CHRM3: variants seen among roughly 807,000 people sequenced by gnomAD.
The protein encoded by CHRM3 is muscarinic acetylcholine receptor M3.
In CHRM3, 11 loss-of-function variants were observed where a neutral mutation model predicts 41.8. The ratio of observed to expected loss-of-function variants is 0.26; its 90% CI spans 0.17 to 0.44. The LOEUF (loss-of-function observed/expected upper bound fraction) is 0.44, where lower values mean the gene tolerates loss of function less well. CHRM3 is among the 20% of genes least tolerant of loss of function. CHRM3 has a pLI of 1.00. For synonymous variants in CHRM3, 297 were observed against 301.4 expected (o/e 0.99, Z 0.15); for missense variants, 571 against 745.4 (o/e 0.77, Z 2.72).
chr1:239,783,199 C>T (rs1181525367), intron 5 of CHRM3, among the ~76,000 whole-genome samples: 1 of 151,726 alleles, frequency 6.6e-6, no homozygotes, highest in African/African-American at 2.4e-5. Flanking sequence ...GTCAAAGTCT[C>T]CAGCTATAAT....
chr1:239,686,239 C>T (rs948802002), intron 5 of CHRM3, among the ~76,000 whole-genome samples: 7 of 152,118 alleles, frequency 4.6e-5, no homozygotes, highest in African/African-American at 1.2e-4. Flanking sequence ...TGCCTATAGG[C>T]GCTTTGTTCT....
Position 239,474,476 on chromosome 1 carries a change from G to A in CHRM3, c.-520-18233G>A, listed in dbSNP as rs1666335450. ...TATTGGTGTAGATGCGGGTATATGTGTGTATATGTTTGTGTGTTTGCTAAC... is the reference window on the plus strand; with the variant it reads ...TATTGGTGTAGATGCGGGTATATGTATGTATATGTTTGTGTGTTTGCTAAC... On this transcript the variant is annotated intron_variant, in intron 1 of 6. Coordinates refer to ENST00000676153, the MANE Select transcript of CHRM3 (RefSeq NM_001375978.1). 2.7e-5 allele frequency among the ~76,000 whole-genome samples: 4 copies of A among 150,670 alleles called. No homozygotes were observed. In the South Asian group the frequency reaches 8.4e-4, roughly 32 times the overall value.
intron 5 of CHRM3, among the ~76,000 whole-genome samples, chr1:239,733,592 A>G (rs1664153822): frequency 6.6e-6 from 1 of 152,062 alleles, no homozygotes; most frequent in Non-Finnish European, 1.5e-5. Context: ...AGATGCATAT[A>G]GAGGTATTTT....
chr1:239,655,094 C>T (rs113914620), intron 4 of CHRM3, among the ~76,000 whole-genome samples: 1,967 of 152,232 alleles, frequency 0.013, 57 homozygotes, highest in African/African-American at 0.046. Context: ...TTTATGTTCT[C>T]GTGCAGCGAA....
At chr1:239,602,140 A>ATG (rs1432471091) in intron 3 of CHRM3, among the ~76,000 whole-genome samples, 71 of 144,848 alleles carry the variant, frequency 4.9e-4, no homozygotes, top group East Asian at 1.0e-3. Context: ...ATATATATAT[A>ATG]ATTTTGTTTT....
chr1:239,659,105 G>A (rs529737512), intron 4 of CHRM3, among the ~76,000 whole-genome samples: 25 of 152,228 alleles, frequency 1.6e-4, no homozygotes, highest in African/African-American at 5.8e-4. Context: ...TTCATTCTCA[G>A]TGGTTGTTTT....
chr1:239,601,252 G>A (rs910206816), intron 3 of CHRM3, among the ~76,000 whole-genome samples: 4 of 152,016 alleles, frequency 2.6e-5, no homozygotes, highest in African/African-American at 9.7e-5. Flanking sequence ...ATGGATGGGA[G>A]GTTTGAAAGA....
At chr1:239,780,190 C>T (rs1222285306) in intron 5 of CHRM3, among the ~76,000 whole-genome samples, 1 of 152,258 alleles carries the variant, frequency 6.6e-6, no homozygotes, top group East Asian at 1.9e-4. Context: ...TGTTTAGTTT[C>T]GTAAGAAACT....
chr1:239,840,914 T>C (rs1217054791), intron 6 of CHRM3, among the ~76,000 whole-genome samples: 1 of 152,182 alleles, frequency 6.6e-6, no homozygotes, highest in Non-Finnish European at 1.5e-5. Context: ...CACTCTGGCA[T>C]GTGAAGTGAT....
chr1:239,761,536 A>C (rs1264587267), intron 5 of CHRM3, among the ~76,000 whole-genome samples: 1 of 152,212 alleles, frequency 6.6e-6, no homozygotes, highest in African/African-American at 2.4e-5. Context: ...TTGGGGATGC[A>C]TCCAAATTGG....
At chr1:239,768,332 A>G (rs1667386700) in intron 5 of CHRM3, among the ~76,000 whole-genome samples, 1 of 152,202 alleles carries the variant, frequency 6.6e-6, no homozygotes, top group Non-Finnish European at 1.5e-5. Context: ...GGAAAACACT[A>G]GAATAAAGGC....
chr1:239,804,038 C>G (rs993390748), intron 5 of CHRM3, among the ~76,000 whole-genome samples: 3 of 152,218 alleles, frequency 2.0e-5, no homozygotes, highest in African/African-American at 7.2e-5. Flanking sequence ...GATTTATAGC[C>G]TCCAGCAGCA....
At chr1:239,679,035 A>AGATG (rs147138218) in intron 5 of CHRM3, among the ~76,000 whole-genome samples, 1 of 151,498 alleles carries the variant, frequency 6.6e-6, no homozygotes, top group East Asian at 1.9e-4. Context: ...ATGGATAGAT[A>AGATG]GATAGATAGA....
chr1:239,696,196 GC>G (rs1456696215), intron 5 of CHRM3, among the ~76,000 whole-genome samples: 1 of 152,182 alleles, frequency 6.6e-6, no homozygotes, highest in Non-Finnish European at 1.5e-5. Flanking sequence ...AATAGTGATA[GC>G]TGTCCTATGG....
chr1:239,460,941 A>G (rs527833797), intron 1 of CHRM3, among the ~76,000 whole-genome samples: 12 of 152,364 alleles, frequency 7.9e-5, no homozygotes, highest in African/African-American at 2.9e-4. Flanking sequence ...AGTAATGAGT[A>G]TCATCTGCAA....
intron 1 of CHRM3, among the ~76,000 whole-genome samples, chr1:239,485,484 A>G (rs934637373): frequency 2.6e-5 from 4 of 152,038 alleles, no homozygotes; most frequent in Non-Finnish European, 5.9e-5. Context: ...GGGTCTCACT[A>G]TATTGCCCAG....
intron 6 of CHRM3, among the ~76,000 whole-genome samples, chr1:239,831,525 C>G (rs747497217): frequency 6.6e-6 from 1 of 152,158 alleles, no homozygotes; most frequent in Admixed American, 6.6e-5. Context: ...GCCATTTTAA[C>G]AGACATAAGC....
intron 6 of CHRM3, among the ~76,000 whole-genome samples, chr1:239,862,687 T>C (rs1675737576): frequency 6.6e-6 from 1 of 152,164 alleles, no homozygotes; most frequent in Non-Finnish European, 1.5e-5. Flanking sequence ...AAAATAAATA[T>C]GACTAAGACT....
At chr1:239,634,309 T>C (rs187909910) in intron 4 of CHRM3, among the ~76,000 whole-genome samples, 221 of 150,924 alleles carry the variant, frequency 1.5e-3, no homozygotes, top group African/African-American at 3.7e-3. Flanking sequence ...ACTGAGTCTA[T>C]TCCTGTATAA....
Sources: gnomAD v4.1 joint callset for allele counts (sites outside exome capture counted in the v4.1 genomes callset) on GRCh38, gnomAD v4.1.1 for gene constraint, MANE v1.5 for transcripts, NCBI Gene and HGNC (gene_info 2026-07-23, HGNC 2026-07-21) for gene names.